Variants in ENTREP1 observed in about 807,000 individuals in gnomAD.
The protein encoded by ENTREP1 is endosomal transmembrane epsin interactor 1, also known as Friedreich ataxia region gene X123.
the ENTREP1 span, chr9:69,377,382 G>T: frequency 6.2e-7 from 1 of 1,612,594 alleles, no homozygotes; most frequent in Middle Eastern, 1.7e-4. Flanking sequence ...AGTCCTCTTT[G>T]CCCTGTGTGC....
chr9:69,377,571 T>A, the ENTREP1 span: 3 of 1,613,072 alleles, frequency 1.9e-6, no homozygotes, highest in Non-Finnish European at 1.7e-6. Context: ...CGTGCCTTTG[T>A]AATGAAGGCT....
At chr9:69,325,018 C>A in the ENTREP1 span, 1 of 985,260 alleles carries the variant, frequency 1.0e-6, no homozygotes, top group Admixed American at 6.1e-5. Flanking sequence ...GAGGCTGTGG[C>A]GCACTTGCCC....
the ENTREP1 span, among the ~76,000 whole-genome samples, chr9:69,359,363 C>G: frequency 6.6e-6 from 1 of 152,270 alleles, no homozygotes; most frequent in Admixed American, 6.5e-5. Flanking sequence ...TGTCCCCACC[C>G]AAATTTCATC....
the ENTREP1 span, chr9:69,382,444 G>A: frequency 6.6e-6 from 1 of 152,206 alleles, no homozygotes; most frequent in Non-Finnish European, 1.5e-5. Flanking sequence ...GAGGCTTGAT[G>A]TGTTGCGTGC....
the ENTREP1 span, among the ~76,000 whole-genome samples, chr9:69,355,291 A>G: frequency 6.6e-6 from 1 of 152,178 alleles, no homozygotes; most frequent in Non-Finnish European, 1.5e-5. Flanking sequence ...CACTCAGTAA[A>G]CATTTTTTGA....
the ENTREP1 span, among the ~76,000 whole-genome samples, chr9:69,360,898 C>CAA: frequency 7.3e-4 from 110 of 149,846 alleles, no homozygotes; most frequent in East Asian, 0.015. Flanking sequence ...ATGTAAATTG[C>CAA]AAAAAAAAAA....
chr9:69,349,321 G>T, the ENTREP1 span, among the ~76,000 whole-genome samples: 5 of 152,114 alleles, frequency 3.3e-5, no homozygotes, highest in East Asian at 9.6e-4. Context: ...GATTCATGTG[G>T]TAACTACATG....
the ENTREP1 span, chr9:69,325,548 C>T: frequency 5.1e-6 from 6 of 1,176,626 alleles, no homozygotes; most frequent in Non-Finnish European, 5.2e-6. Flanking sequence ...CGGGCAGTCG[C>T]CGCCGCTGCC....
At chr9:69,375,618 C>A in the ENTREP1 span, 3 of 764,632 alleles carry the variant, frequency 3.9e-6, no homozygotes, top group Non-Finnish European at 6.4e-6. Flanking sequence ...CTGATAGAGG[C>A]ATTGCCTGAC....
the ENTREP1 span, among the ~76,000 whole-genome samples, chr9:69,390,699 G>T: frequency 4.6e-5 from 7 of 152,174 alleles, no homozygotes; most frequent in Admixed American, 1.3e-4. Flanking sequence ...AAGTGCGGTG[G>T]TGTAGATATA....
At chr9:69,355,147 A>C in the ENTREP1 span, among the ~76,000 whole-genome samples, 3 of 152,324 alleles carry the variant, frequency 2.0e-5, no homozygotes, top group South Asian at 6.2e-4. Flanking sequence ...CTAATTGTTT[A>C]ACTTTGTTTA....
the ENTREP1 span, among the ~76,000 whole-genome samples, chr9:69,331,649 A>G: frequency 4.6e-5 from 7 of 152,130 alleles, no homozygotes; most frequent in East Asian, 1.4e-3. Flanking sequence ...TTGCTGCTGT[A>G]CTCTTTTAGG....
chr9:69,379,830 G>A, the ENTREP1 span: 4 of 152,226 alleles, frequency 2.6e-5, no homozygotes, highest in South Asian at 4.1e-4. Flanking sequence ...TTTAGGAGCC[G>A]AGCCATCCAG....
the ENTREP1 span, among the ~76,000 whole-genome samples, chr9:69,354,369 G>A: frequency 3.8e-4 from 56 of 146,070 alleles, 1 homozygote; most frequent in Non-Finnish European, 1.8e-4. Flanking sequence ...TGATTCTCCT[G>A]CCCCAGTCTG....
chr9:69,325,791 C>T, the ENTREP1 span: 1 of 1,212,730 alleles, frequency 8.2e-7, no homozygotes, highest in Non-Finnish European at 1.0e-6. Context: ...TCGTTCCTCT[C>T]CATTGCCCCT....
the ENTREP1 span, among the ~76,000 whole-genome samples, chr9:69,344,564 G>A: frequency 2.0e-5 from 3 of 152,182 alleles, no homozygotes; most frequent in Non-Finnish European, 4.4e-5. Flanking sequence ...CTGCCTTTGT[G>A]TGTGTCTTGG....
At chr9:69,388,335 C>T in the ENTREP1 span, 1 of 1,614,154 alleles carries the variant, frequency 6.2e-7, no homozygotes, top group Non-Finnish European at 8.5e-7. Flanking sequence ...CTGGAGCAGT[C>T]CTCTTGTACC....
At chr9:69,328,353 G>A in the ENTREP1 span, among the ~76,000 whole-genome samples, 2 of 152,118 alleles carry the variant, frequency 1.3e-5, no homozygotes, top group African/African-American at 4.8e-5. Flanking sequence ...AACCAGCATA[G>A]GATTGAGTGG....
chr9:69,351,388 TTGATGA>T, the ENTREP1 span, among the ~76,000 whole-genome samples: 265 of 151,454 alleles, frequency 1.7e-3, 1 homozygote, highest in Middle Eastern at 6.8e-3. Context: ...TCTTATTTCC[TTGATGA>T]TGATGATGAT....
Sources: allele counts gnomAD v4.1 joint callset (sites outside exome capture counted in the v4.1 genomes callset), GRCh38; gene constraint gnomAD v4.1.1; transcripts MANE v1.5; gene names NCBI Gene and HGNC (gene_info 2026-07-23, HGNC 2026-07-21).